ROCK2: variants seen among roughly 807,000 people sequenced by gnomAD.
The protein encoded by ROCK2 is rho-associated protein kinase 2.
A neutral mutation model predicts 195.1 loss-of-function variants in ROCK2; 61 were observed. The ratio of observed to expected loss-of-function variants is 0.31; its 90% CI spans 0.25 to 0.39. The LOEUF is 0.39. ROCK2 is among the 10% of genes least tolerant of loss of function. The pLI is 1.00. For synonymous variants in ROCK2, 504 were observed against 545.5 expected (o/e 0.92, Z 1.06); for missense variants, 1,109 against 1,637.4 (o/e 0.68, Z 5.57).
intron 6 of ROCK2, among the ~76,000 whole-genome samples, chr2:11,227,028 C>A (rs949360788): frequency 6.8e-6 from 1 of 148,048 alleles, no homozygotes; most frequent in Non-Finnish European, 1.5e-5. Flanking sequence ...ATTTTTAATT[C>A]TTTTTACATT....
At chr2:11,274,179 G>A (rs1432064132) in intron 3 of ROCK2, among the ~76,000 whole-genome samples, 3 of 151,390 alleles carry the variant, frequency 2.0e-5, no homozygotes, top group Admixed American at 1.3e-4. Context: ...AATTAAAAAC[G>A]AAACTTTACA....
intron 3 of ROCK2, among the ~76,000 whole-genome samples, chr2:11,274,314 T>A (rs1666752175): frequency 6.6e-6 from 1 of 151,692 alleles, no homozygotes; most frequent in Admixed American, 6.6e-5. Flanking sequence ...ACAAAATCAA[T>A]GAAACCAAAA....
chr2:11,254,756 A>AAAAT (rs1273592273), intron 3 of ROCK2, among the ~76,000 whole-genome samples: 1 of 144,474 alleles, frequency 6.9e-6, no homozygotes, highest in Non-Finnish European at 1.5e-5. Flanking sequence ...AAAAAAAAAA[A>AAAAT]GGTAGAGAAA....
chr2:11,316,589 C>G (rs565448977), intron 1 of ROCK2, among the ~76,000 whole-genome samples: 5 of 152,254 alleles, frequency 3.3e-5, no homozygotes, highest in Admixed American at 3.3e-4. Context: ...ATTTCTCTTT[C>G]AGGTATGCAG....
At chr2:11,232,104 G>A (rs751388230) in intron 5 of ROCK2, among the ~76,000 whole-genome samples, 111 of 151,528 alleles carry the variant, frequency 7.3e-4, no homozygotes, top group Non-Finnish European at 4.3e-4. Flanking sequence ...TTCTGTAAGT[G>A]GATGAGAATA....
At chr2:11,257,607 C>T (rs567911433) in intron 3 of ROCK2, among the ~76,000 whole-genome samples, 2 of 151,316 alleles carry the variant, frequency 1.3e-5, no homozygotes, top group South Asian at 4.2e-4. Flanking sequence ...ATTCTTGGAT[C>T]ATTCCAGGAA....
chr2:11,283,677 C>G (rs1003068227), intron 3 of ROCK2, among the ~76,000 whole-genome samples: 1 of 151,732 alleles, frequency 6.6e-6, no homozygotes, highest in Non-Finnish European at 1.5e-5. Context: ...AGGGAAATGT[C>G]AAATTAATAA....
chr2:11,317,576 T>A (rs1226114225), intron 1 of ROCK2, among the ~76,000 whole-genome samples: 9 of 29,584 alleles, frequency 3.0e-4, no homozygotes, highest in Admixed American at 5.5e-4. Context: ...ATCTACACAT[T>A]TATATATATA....
chr2:11,207,766 T>C lies in ROCK2; in HGVS notation c.2509A>G (p.Met837Val), dbSNP rs373352683. ...LKQENNHLME[M>V]KMNLEKQNAE... ...TTTTGTTTTTCCAAGTTCATTTTCA[T>C]TTCCATGAGATGGTTATTTTCTTGC... Residue 837 changes from methionine to valine, a missense_variant, in exon 20 of 33, where the codon ATG (methionine) becomes GTG (valine). Coordinates refer to ENST00000315872, the MANE Select transcript of ROCK2 (RefSeq NM_004850.5). 64 of 1,607,704 alleles carry C rather than the reference T, an allele frequency of 4.0e-5. No individual in the cohort carries two copies. Among genetic ancestry groups the C allele is most frequent in the Non-Finnish European group, 5.4e-5 (63 of 1,176,570 alleles).
intron 4 of ROCK2, among the ~76,000 whole-genome samples, chr2:11,244,252 A>G (rs1334879030): frequency 6.6e-6 from 1 of 152,132 alleles, no homozygotes; most frequent in East Asian, 1.9e-4. Flanking sequence ...TACTTATGTA[A>G]TATCTTCAAC....
intron 9 of ROCK2, 73 bp downstream of exon 9, chr2:11,221,125 G>A (rs1664623545): frequency 2.7e-6 from 3 of 1,111,622 alleles, no homozygotes; most frequent in Admixed American, 5.8e-5. Flanking sequence ...CTATAATTGA[G>A]TCTCAAAATA....
intron 3 of ROCK2, 93 bp from the exon 4 acceptor site, chr2:11,249,891 G>T: frequency 9.2e-7 from 1 of 1,086,398 alleles, no homozygotes; most frequent in East Asian, 2.9e-5. Flanking sequence ...AAAGACTTCA[G>T]TTACAAAAAA....
At chr2:11,305,513 C>G (rs1351391468) in intron 1 of ROCK2, among the ~76,000 whole-genome samples, 1 of 151,882 alleles carries the variant, frequency 6.6e-6, no homozygotes, top group African/African-American at 2.4e-5. Context: ...GATGTGACCA[C>G]TGAAAGGGCC....
chr2:11,227,130 G>C, intron 6 of ROCK2, 124 bp downstream of exon 6: 1 of 908,544 alleles, frequency 1.1e-6, no homozygotes, highest in South Asian at 1.9e-5. Flanking sequence ...CTAATTCAAA[G>C]TTTCCAGAAA....
chr2:11,210,967 A>C (rs1664227028), intron 18 of ROCK2, among the ~76,000 whole-genome samples: 1 of 152,238 alleles, frequency 6.6e-6, no homozygotes, highest in Non-Finnish European at 1.5e-5. Flanking sequence ...GTAATGCTTC[A>C]ATATGAAAAT....
intron 3 of ROCK2, among the ~76,000 whole-genome samples, chr2:11,257,570 G>A (rs946218918): frequency 2.0e-5 from 3 of 151,318 alleles, no homozygotes; most frequent in Non-Finnish European, 4.4e-5. Context: ...TGGAAGAGGT[G>A]AGTTTTATGA....
intron 3 of ROCK2, among the ~76,000 whole-genome samples, chr2:11,282,177 C>T (rs1667028298): frequency 1.3e-5 from 2 of 151,984 alleles, no homozygotes; most frequent in Non-Finnish European, 2.9e-5. Context: ...ATAGCAAAAC[C>T]CCATCTTTAC....
chr2:11,186,513 T>C (rs1471094270), intron 32 of ROCK2, among the ~76,000 whole-genome samples: 1 of 152,214 alleles, frequency 6.6e-6, no homozygotes, highest in Non-Finnish European at 1.5e-5. Flanking sequence ...GAAGAAATCT[T>C]TCCAAATCCA....
chr2:11,185,376 G>A (rs1377088749), intron 32 of ROCK2, among the ~76,000 whole-genome samples: 2 of 151,966 alleles, frequency 1.3e-5, no homozygotes, highest in African/African-American at 4.9e-5. Context: ...GATATATGTG[G>A]TCTTTTCTTT....
Sources: gnomAD v4.1 joint callset for allele counts (sites outside exome capture counted in the v4.1 genomes callset) on GRCh38, gnomAD v4.1.1 for gene constraint, MANE v1.5 for transcripts, NCBI Gene and HGNC (gene_info 2026-07-23, HGNC 2026-07-21) for gene names.